Variants in PPP1R14B observed in about 807,000 individuals in gnomAD.
The protein encoded by PPP1R14B is protein phosphatase 1 regulatory subunit 14B.
PPP1R14B carries 4 observed loss-of-function variants against 14.7 expected under a neutral mutation model. The observed-to-expected ratio is 0.27, with a 90% CI of 0.13 to 0.62. The LOEUF is 0.62. PPP1R14B is among the 20% of genes least tolerant of loss of function. PPP1R14B has a pLI of 0.85. For missense variants in PPP1R14B, 138 were observed against 201.5 expected, an observed-to-expected ratio of 0.68 and a Z score of 1.91; for synonymous variants, 76 against 87.3, an observed-to-expected ratio of 0.87 and a Z score of 0.72.
intron 1 of PPP1R14B, chr11:64,246,147 C>G (rs1396860306): frequency 4.2e-6 from 2 of 479,692 alleles, no homozygotes; most frequent in East Asian, 7.4e-5. Flanking sequence ...GCCCAAGGCT[C>G]AGGCTACCCC....
In PPP1R14B at chr11:64,244,659, G is replaced by A. The variant is rs1174340717; in HGVS notation, c.*95C>T. The A allele has an allele frequency of 3.8e-6, 6 of 1,561,160 alleles. No homozygotes were observed. The highest frequency in any genetic ancestry group is 3.5e-6 in the Non-Finnish European group (4 of 1,142,070). ...CGAGGAGCCCTGCTCATGGCACCAG[G>A]CCTGGCCGCAGGGTCCCCCGGTATT... On this transcript the variant is annotated 3_prime_UTR_variant, in exon 4 of 4. Coordinates refer to ENST00000309318, the MANE Select transcript of PPP1R14B (RefSeq NM_138689.3).
intron 2 of PPP1R14B, 68 bp from the exon 3 acceptor site, chr11:64,245,030 C>A: frequency 6.6e-7 from 1 of 1,517,360 alleles, no homozygotes; most frequent in South Asian, 1.2e-5. Context: ...TCGCCTATAC[C>A]CACTTCCAAG....
rs2030786498 is a variant in PPP1R14B at position 64,244,495 on chromosome 11, C to T, written c.*259G>A. ...CCGAGCCTGTTAGCTGCACCAAAGG[C>T]GTATCCTAGCTTTATTAAAGGGCCC... On this transcript the variant is annotated 3_prime_UTR_variant, in exon 4 of 4. Transcript: ENST00000309318. 3 of 1,060,436 alleles carry T rather than the reference C, an allele frequency of 2.8e-6. No individual in the cohort carries two copies. Among genetic ancestry groups the T allele is most frequent in the Non-Finnish European group, 3.9e-6 (3 of 768,702 alleles). The allele number at this position is 1,060,436 out of a possible 1,614,324, so 65.7% of individuals were successfully genotyped here.
In PPP1R14B at chr11:64,246,783, CGCGGCGAGGGCG is replaced by C. The variant is rs1210357723; in HGVS notation, c.-122_-111del. 2.1e-6 allele frequency: 2 copies of C among 944,022 alleles called. No individual in the cohort carries two copies. The highest frequency in any genetic ancestry group is 3.6e-5 in the African/African-American group (2 of 56,090). 58.5% of individuals were successfully genotyped at this position (944,022 alleles called of 1,614,324 possible). ...TCGCCGGCTCCGCTCCGCGCGGCTC[CGCGGCGAGGGCG>C]GCGGCGGGGGCGCCCGGGGGCAGCT... On this transcript the variant is annotated 5_prime_UTR_variant, in exon 1 of 4. Transcript: ENST00000309318.
rs2030898097 is a variant in PPP1R14B at position 64,246,807 on chromosome 11, G to GCCCGGGGGCAGCTGCAGCATGCGGAGCC, written c.-162_-135dup. The GCCCGGGGGCAGCTGCAGCATGCGGAGCC allele has an allele frequency of 4.1e-6, 3 of 740,696 alleles. No individual in the cohort carries two copies. The highest frequency in any genetic ancestry group is 1.3e-4 in the Admixed American group (2 of 15,622). The allele number at this position is 740,696 out of a possible 1,614,324, so 45.9% of individuals were successfully genotyped here. A position where few individuals can be genotyped will look rare whatever the true frequency, so the allele number is the denominator to read the frequency against. ...CCGCGGCGAGGGCGGCGGCGGGGGC[G>GCCCGGGGGCAGCTGCAGCATGCGGAGCC]CCCGGGGGCAGCTGCAGCATGCGGA... is the stretch of plus-strand genomic sequence containing the variant. On this transcript the variant is annotated 5_prime_UTR_variant, in exon 1 of 4. In the 5' UTR this introduces an upstream ATG that the reference lacks. Transcript: ENST00000309318.
intron 1 of PPP1R14B, 176 bp downstream of exon 1, chr11:64,246,240 G>A (rs754330985): frequency 6.0e-5 from 51 of 847,630 alleles, no homozygotes; most frequent in Admixed American, 1.1e-4. Flanking sequence ...GAAGGCAGAA[G>A]TGACTTAGGT....
Position 64,246,400 on chromosome 11 carries a change from C to T in PPP1R14B, c.258+16G>A. The stretch of plus-strand genomic sequence containing the variant: ...CGAGACCGATTTTGGGGTGTCGGCG[C>T]GGGGTGGGAACACACCTGGCAGTCG... On this transcript the variant is annotated intron_variant, in intron 1 of 3. Transcript: ENST00000309318. The T allele has an allele frequency of 6.2e-7, 1 of 1,601,232 alleles. No homozygotes were observed. Among genetic ancestry groups the T allele is most frequent in the East Asian group, 2.3e-5 (1 of 44,340 alleles).
At position 64,246,265 on chromosome 11, in the gene PPP1R14B, T is replaced by C. The variant is rs997847698; in HGVS notation, c.258+151A>G. ...GTGACTTAGGTCAGGCAAGAAAGAGTATATATTGGGGGCGGGAGTGCAGAG... is the reference window on the plus strand; with the variant it reads ...GTGACTTAGGTCAGGCAAGAAAGAGCATATATTGGGGGCGGGAGTGCAGAG... On this transcript the variant is annotated intron_variant, in intron 1 of 3. Transcript: ENST00000309318. The C allele has an allele frequency of 4.6e-5, 47 of 1,017,464 alleles. No homozygotes were observed. The Admixed American group carries it at 1.0e-3, about 22-fold the overall frequency. The allele number at this position is 1,017,464 out of a possible 1,614,324, so 63.0% of individuals were successfully genotyped here.
At chr11:64,246,339 G>C (rs1423930975) in intron 1 of PPP1R14B, 77 bp downstream of exon 1, 1 of 1,533,288 alleles carries the variant, frequency 6.5e-7, no homozygotes, top group Admixed American at 2.0e-5. Flanking sequence ...TCCAGTGACA[G>C]GCGAGCTCAC....
rs1218993852 is a variant in PPP1R14B, at chr11:64,246,717, G to A, written c.-44C>T. ...GTGCGAGCGTCGGGCCCCTCCCTGC[G>A]CCACCGCCTCCGGGACGCCCGCCGG... On this transcript the variant is annotated 5_prime_UTR_variant, in exon 1 of 4. Transcript: ENST00000309318. The A allele has an allele frequency of 9.9e-6, 10 of 1,014,888 alleles. No homozygotes were observed. The highest frequency in any genetic ancestry group is 1.7e-5 in the African/African-American group (1 of 57,364). 62.9% of individuals were successfully genotyped at this position (1,014,888 alleles called of 1,614,324 possible).
chr11:64,245,515 G>C, intron 1 of PPP1R14B: 1 of 516,742 alleles, frequency 1.9e-6, no homozygotes, highest in Non-Finnish European at 3.4e-6. Context: ...GTGGGCACGG[G>C]GGGTGACAGA....
At chr11:64,245,320 T>C in intron 1 of PPP1R14B, 33 bp from the exon 2 acceptor site, 1 of 1,511,626 alleles carries the variant, frequency 6.6e-7, no homozygotes. Flanking sequence ...GGGAGAGACA[T>C]AAGCCTGAGT....
At position 64,244,700 on chromosome 11, in the gene PPP1R14B, T is replaced by C. The variant is rs539159838; in HGVS notation, c.*54A>G. 2.5e-6 allele frequency: 4 copies of C among 1,604,592 alleles called. No homozygotes were observed. In the East Asian group the frequency reaches 6.7e-5, roughly 27 times the overall value. ...CCCCGGTATTGCTGTTGCTACGAGG[T>C]TGGGGGGCAGCGATTGTCCTGTGGG... is the stretch of plus-strand genomic sequence containing the variant. On this transcript the variant is annotated 3_prime_UTR_variant, in exon 4 of 4. Transcript: ENST00000309318.
Position 64,244,632 on chromosome 11 carries a change from C to A in PPP1R14B, c.*122G>T. 6.7e-7 allele frequency: 1 copy of A among 1,488,704 alleles called. No homozygotes were observed. The highest frequency in any genetic ancestry group is 9.1e-7 in the Non-Finnish European group (1 of 1,097,566). The allele number at this position is 1,488,704 out of a possible 1,614,324, so 92.2% of individuals were successfully genotyped here. A position where few individuals can be genotyped will look rare whatever the true frequency, so the allele number is the denominator to read the frequency against. On this transcript the variant is annotated 3_prime_UTR_variant, in exon 4 of 4. Transcript: ENST00000309318. ...GGGGAAGAGACCCCTGGGCCAGGGGCACGAGGAGCCCTGCTCATGGCACCA... is the reference window on the plus strand; with the variant it reads ...GGGGAAGAGACCCCTGGGCCAGGGGAACGAGGAGCCCTGCTCATGGCACCA...
At chr11:64,245,553 C>T (rs1276464356) in intron 1 of PPP1R14B, 2 of 467,162 alleles carry the variant, frequency 4.3e-6, no homozygotes, top group East Asian at 3.6e-5. Flanking sequence ...GGTTGGGGAC[C>T]TTGGGCTGGG....
In PPP1R14B at chr11:64,244,912, C is replaced by A. The variant is rs764457528; in HGVS notation, c.375+18G>T. The A allele has an allele frequency of 6.2e-7, 1 of 1,612,176 alleles. No individual in the cohort carries two copies. On this transcript the variant is annotated intron_variant, in intron 3 of 3. Transcript: ENST00000309318. ...CCTCACCCTGCCACCCCCGCCAGCC[C>A]CCCAGGAAATCTCTTACCTCTGTGG...
chr11:64,246,573 G>C lies in PPP1R14B; in HGVS notation c.101C>G (p.Pro34Arg). 6.2e-7 allele frequency: 1 copy of C among 1,602,958 alleles called. No homozygotes were observed. The change falls in exon 1 of 4, where the codon CCC (proline) becomes CGC (arginine). Residue 34 changes from proline (P) to arginine (R), a missense_variant. Pro to Arg is a moderately radical substitution (Grantham distance 103). Transcript: ENST00000309318. The stretch of plus-strand genomic sequence containing the variant: ...GCCCGGGCCCTCTCCTGCGGCCCCG[G>C]GGGGGCTCTGAAAGTAGACGCGTGG... ...PGPRVYFQSP[P>R]GAAGEGPGGA...
rs199783916 is a variant in PPP1R14B at position 64,246,527 on chromosome 11, T to A, written c.147A>T (p.Pro49=). 6.2e-7 allele frequency: 1 copy of A among 1,609,672 alleles called. No homozygotes were observed. Among genetic ancestry groups the A allele is most frequent in the African/African-American group, 1.3e-5 (1 of 74,756 alleles). The change falls in exon 1 of 4, where the codon CCA becomes CCT. Residue 49 remains proline, a synonymous_variant. Transcript: ENST00000309318. ...EGPGGADDEG[P]VRRQGKVTVK... is the part of the protein sequence containing the mutation. ...CGGTGACCTTCCCTTGGCGCCTCAC[T>A]GGGCCCTCATCGTCCGCCCCGCCCG...
chr11:64,246,792 G>A lies in PPP1R14B; in HGVS notation c.-119C>T, dbSNP rs1235719053. 6.7e-6 allele frequency: 6 copies of A among 895,762 alleles called. No homozygotes were observed. Among genetic ancestry groups the A allele is most frequent in the Non-Finnish European group, 8.0e-6 (6 of 752,058 alleles). The allele number at this position is 895,762 out of a possible 1,614,324, so 55.5% of individuals were successfully genotyped here. ...CCGCTCCGCGCGGCTCCGCGGCGAG[G>A]GCGGCGGCGGGGGCGCCCGGGGGCA... On this transcript the variant is annotated 5_prime_UTR_variant, in exon 1 of 4. Transcript: ENST00000309318.
Sources: gnomAD v4.1 joint callset for allele counts on GRCh38, gnomAD v4.1.1 for gene constraint, MANE v1.5 for transcripts, NCBI Gene and HGNC (gene_info 2026-07-23, HGNC 2026-07-21) for gene names.